Variants in CNNM2 observed in about 807,000 individuals in gnomAD.
The protein encoded by CNNM2 is metal transporter CNNM2.
Under a neutral mutation model 66.9 loss-of-function variants are expected in CNNM2, and 12 were observed. The observed-to-expected ratio is 0.18, with a 90% CI of 0.11 to 0.29. The LOEUF (loss-of-function observed/expected upper bound fraction) is 0.29. CNNM2 is among the 10% of genes least tolerant of loss of function. CNNM2 has a pLI of 1.00. For synonymous variants in CNNM2, 557 were observed against 501.8 expected, an observed-to-expected ratio of 1.11 and a Z score of -1.47; for missense variants, 705 against 1,167.7, an observed-to-expected ratio of 0.60 and a Z score of 5.77.
chr10:103,059,867 T>C (rs2065355192), intron 4 of CNNM2, among the ~76,000 whole-genome samples: 1 of 152,154 alleles, frequency 6.6e-6, no homozygotes, highest in South Asian at 2.1e-4. Flanking sequence ...GTGGGCTGGG[T>C]GTGGTAGCTC....
intron 1 of CNNM2, among the ~76,000 whole-genome samples, chr10:102,961,078 G>T (rs1306407207): frequency 2.6e-5 from 4 of 151,598 alleles, no homozygotes; most frequent in African/African-American, 9.7e-5. Context: ...GGGTTTCACC[G>T]TGTTGGCCAG....
At position 103,084,351 on chromosome 10, in the gene CNNM2, ACCTAACTACCGCT is replaced by A. The variant is rs2065783377; in HGVS notation, c.*7174_*7186del. On this transcript the variant is annotated 3_prime_UTR_variant, in exon 8 of 8. Coordinates refer to ENST00000369878, the MANE Select transcript of CNNM2 (RefSeq NM_017649.5). ...AGAATTGGCTTTCAGACACTGCCTG[ACCTAACTACCGCT>A]CCCATCTCCCCAGGTATCGCCCAAC... is the stretch of plus-strand genomic sequence containing the variant. The A allele has an allele frequency of 6.6e-6, 1 of 152,150 alleles. No individual in the cohort carries two copies. The highest frequency in any genetic ancestry group is 1.5e-5 in the Non-Finnish European group (1 of 68,048). The allele number at this position is 152,150 out of a possible 1,614,324, so 9.4% of individuals were successfully genotyped here.
rs544723614 is a variant in CNNM2 at position 102,954,989 on chromosome 10, A to G, written c.1621+34888A>G. On this transcript the variant is annotated intron_variant, in intron 1 of 7. Coordinates refer to ENST00000369878, the MANE Select transcript of CNNM2 (RefSeq NM_017649.5). ...TATAGATTCGATGCCATCCCCATCA[A>G]GCTACCAATGACTTTCTTCACAGAA... 5.9e-5 allele frequency among the ~76,000 whole-genome samples: 9 copies of G among 152,354 alleles called. No individual in the cohort carries two copies. In the South Asian group the frequency reaches 1.9e-3, roughly 32 times the overall value.
chr10:102,972,112 A>G (rs1019920499), intron 1 of CNNM2, among the ~76,000 whole-genome samples: 2 of 152,154 alleles, frequency 1.3e-5, no homozygotes, highest in Non-Finnish European at 2.9e-5. Flanking sequence ...GATCTGTCAA[A>G]CATTTATAGC....
chr10:102,945,801 T>A (rs1313511427), intron 1 of CNNM2, among the ~76,000 whole-genome samples: 1 of 152,180 alleles, frequency 6.6e-6, no homozygotes, highest in Non-Finnish European at 1.5e-5. Context: ...TATCTTTTCT[T>A]TTTTTCCCTT....
chr10:102,978,728 C>T (rs778914834), intron 1 of CNNM2, among the ~76,000 whole-genome samples: 5 of 152,172 alleles, frequency 3.3e-5, no homozygotes, highest in Admixed American at 6.6e-5. Context: ...GTGTGACCAG[C>T]GCCCAGAGCA....
At chr10:103,010,757 C>T (rs1425533888) in intron 1 of CNNM2, among the ~76,000 whole-genome samples, 3 of 152,002 alleles carry the variant, frequency 2.0e-5, no homozygotes, top group South Asian at 4.2e-4. Context: ...GGATTATAGG[C>T]GCCCGCCACC....
rs776960354 is a variant in CNNM2, at chr10:103,054,270, G to C, written c.1766-59G>C. ...ATATTTTGTCTTTTTCATTCAAAAA[G>C]AGCCCTCATCTCATGGGATGCATTT... On this transcript the variant is annotated intron_variant, in intron 2 of 7. Coordinates refer to ENST00000369878, the MANE Select transcript of CNNM2 (RefSeq NM_017649.5). This position sits in a 1 kb window ranked among gnomAD's most constrained non-coding sequence, Gnocchi z 5.2. The C allele has an allele frequency of 9.6e-6, 15 of 1,564,260 alleles. No homozygotes were observed. Among genetic ancestry groups the C allele is most frequent in the Non-Finnish European group, 1.3e-5 (15 of 1,150,422 alleles).
intron 1 of CNNM2, chr10:102,927,364 CA>C: frequency 6.2e-7 from 1 of 1,613,878 alleles, no homozygotes; most frequent in Non-Finnish European, 8.5e-7. Flanking sequence ...ACAAGAAACC[CA>C]AATCATACCA....
chr10:103,069,432 C>T (rs1285729598), intron 5 of CNNM2, among the ~76,000 whole-genome samples: 2 of 152,196 alleles, frequency 1.3e-5, no homozygotes, highest in Non-Finnish European at 2.9e-5. Flanking sequence ...GGTTGCTCTG[C>T]ATCCAGCACT....
At chr10:102,988,830 T>A (rs2063844902) in intron 1 of CNNM2, among the ~76,000 whole-genome samples, 1 of 152,226 alleles carries the variant, frequency 6.6e-6, no homozygotes, top group Admixed American at 6.5e-5. Context: ...AATAAGTTTG[T>A]TCTCCACGGA....
intron 3 of CNNM2, 40 bp from the exon 4 acceptor site, chr10:103,056,755 C>T: frequency 6.3e-7 from 1 of 1,576,884 alleles, no homozygotes; most frequent in Non-Finnish European, 8.7e-7. Context: ...TTTTCTCTCT[C>T]TGTTTGAAAT....
At position 103,054,952 on chromosome 10, in the gene CNNM2, G is replaced by C. The variant is rs1035133191; in HGVS notation, c.1903+486G>C. Among the ~76,000 whole-genome samples, 6 of 152,114 alleles carry C rather than the reference G, an allele frequency of 3.9e-5. No individual in the cohort carries two copies. The highest frequency in any genetic ancestry group is 1.2e-4 in the African/African-American group (5 of 41,414). On this transcript the variant is annotated intron_variant, in intron 3 of 7. Coordinates refer to ENST00000369878, the MANE Select transcript of CNNM2 (RefSeq NM_017649.5). The surrounding 1 kb of genome is among the most constrained non-coding windows in gnomAD (Gnocchi z 5.2). Reference sequence around the variant, plus strand: ...CTGTGATTTGCAAAGAAGAAAACTAGGTTTTCACAATTAAATCTTTATCTT... The same window carrying C: ...CTGTGATTTGCAAAGAAGAAAACTACGTTTTCACAATTAAATCTTTATCTT...
rs528377523 is a variant in CNNM2 at position 103,010,309 on chromosome 10, C to T, written c.1622-39398C>T. ...CTGGAGTGCAGTGGTGCAATCATGG[C>T]GCACTACAGCCTGGACCTCCTGGGG... On this transcript the variant is annotated intron_variant, in intron 1 of 7. Coordinates refer to ENST00000369878, the MANE Select transcript of CNNM2 (RefSeq NM_017649.5). Among the ~76,000 whole-genome samples the T allele has an allele frequency of 3.1e-4, 47 of 151,750 alleles. No homozygotes were observed. The East Asian group carries it at 8.7e-3, about 28-fold the overall frequency.
chr10:103,002,578 C>T (rs1448509503), intron 1 of CNNM2, among the ~76,000 whole-genome samples: 1 of 149,902 alleles, frequency 6.7e-6, no homozygotes, highest in Admixed American at 6.7e-5. Flanking sequence ...CTCCTGGGTT[C>T]GAGTGATTCT....
intron 1 of CNNM2, among the ~76,000 whole-genome samples, chr10:102,946,425 T>C (rs1846619882): frequency 6.6e-6 from 1 of 152,198 alleles, no homozygotes; most frequent in African/African-American, 2.4e-5. Context: ...TCTTTTCCAT[T>C]TTGCTTTTAG....
rs1302420255 is a variant in CNNM2, at chr10:103,056,972, G to T, written c.2073+8G>T. The T allele has an allele frequency of 2.5e-6, 4 of 1,606,440 alleles. No individual in the cohort carries two copies. In the Admixed American group the frequency reaches 6.8e-5, roughly 27 times the overall value. ...TTCGTTCTCATTCTGCAGGTCAGAA[G>T]AATTATTCAATAGTGGTTTGCTCTC... is the stretch of plus-strand genomic sequence containing the variant. On this transcript the variant is annotated splice_region_variant and intron_variant, in intron 4 of 7. Transcript: ENST00000369878.
intron 1 of CNNM2, among the ~76,000 whole-genome samples, chr10:102,936,378 T>G (rs566413742): frequency 1.3e-5 from 2 of 152,324 alleles, no homozygotes; most frequent in Middle Eastern, 3.4e-3. Context: ...GCAGGAATAA[T>G]TTCATCTCTG....
At chr10:102,985,790 C>CT (rs1360129501) in intron 1 of CNNM2, among the ~76,000 whole-genome samples, 1 of 152,162 alleles carries the variant, frequency 6.6e-6, no homozygotes, top group East Asian at 1.9e-4. Context: ...GTTCAAGGGA[C>CT]TAGTAAAAGG....
Sources: gnomAD v4.1 joint callset for allele counts (sites outside exome capture counted in the v4.1 genomes callset) on GRCh38, gnomAD v4.1.1 for gene constraint, Gnocchi (gnomAD v3.1) non-coding constraint, MANE v1.5 for transcripts, NCBI Gene and HGNC (gene_info 2026-07-23, HGNC 2026-07-21) for gene names.